AGMO: variants seen among roughly 807,000 people sequenced by gnomAD.
AGMO encodes the protein alkylglycerol monooxygenase.
Under a neutral mutation model 60.2 loss-of-function variants are expected in AGMO, and 75 were observed. The observed-to-expected ratio is 1.25, with a 90% CI of 1.03 to 1.51. The LOEUF (loss-of-function observed/expected upper bound fraction) is 1.51. Among genes scored for constraint, AGMO ranks in the 40% most tolerant of loss-of-function variants. The pLI, the probability that AGMO is intolerant of heterozygous loss-of-function variation, is 0.00. For missense variants in AGMO, 763 were observed against 525.5 expected, an observed-to-expected ratio of 1.45 and a Z score of -4.42; for synonymous variants, 261 against 177.1, an observed-to-expected ratio of 1.47 and a Z score of -3.76.
downstream of AGMO, among the ~76,000 whole-genome samples, chr7:15,196,048 C>A (rs116391871): frequency 0.011 from 1,654 of 151,652 alleles, 40 homozygotes; most frequent in African/African-American, 0.039. Context: ...CTCCCCTCCC[C>A]TCTCCTCTCC....
intron 12 of AGMO, among the ~76,000 whole-genome samples, chr7:15,353,426 A>T (rs1034155667): frequency 6.6e-6 from 1 of 152,190 alleles, no homozygotes; most frequent in African/African-American, 2.4e-5. Flanking sequence ...TAGGCTTATG[A>T]TGTTAAACTA....
intron 12 of AGMO, among the ~76,000 whole-genome samples, chr7:15,237,314 G>C (rs768443705): frequency 6.6e-6 from 1 of 152,108 alleles, no homozygotes; most frequent in South Asian, 2.1e-4. Context: ...ATTTTCACTA[G>C]AACAGATGAA....
At chr7:15,430,619 CTGGTTTTTTTTAAAAAAAAAAAAAA>C (rs1211766280) in intron 4 of AGMO, among the ~76,000 whole-genome samples, 29 of 115,532 alleles carry the variant, frequency 2.5e-4, no homozygotes, top group South Asian at 2.9e-4. Context: ...AAAAAAACAA[CTGGTTTTTTTTAAAAAAAAAAAAAA>C]AACTGGTAAA....
chr7:15,280,826 T>C (rs1783942658), intron 12 of AGMO, among the ~76,000 whole-genome samples: 1 of 152,222 alleles, frequency 6.6e-6, no homozygotes, highest in South Asian at 2.1e-4. Flanking sequence ...TCATTACTAC[T>C]ACAATCAGTA....
intron 3 of AGMO, among the ~76,000 whole-genome samples, chr7:15,506,972 G>T (rs1251617011): frequency 6.6e-6 from 1 of 151,952 alleles, no homozygotes; most frequent in Admixed American, 6.6e-5. Flanking sequence ...ATGTACCAAA[G>T]ATCTGGCTGG....
At chr7:15,561,405 G>A (rs969241117) in intron 1 of AGMO, among the ~76,000 whole-genome samples, 10 of 152,172 alleles carry the variant, frequency 6.6e-5, no homozygotes, top group Admixed American at 1.3e-4. Context: ...CTGATGTGGT[G>A]TAACTATTTG....
intron 3 of AGMO, among the ~76,000 whole-genome samples, chr7:15,513,699 C>T (rs973247999): frequency 1.4e-4 from 22 of 152,150 alleles, no homozygotes; most frequent in African/African-American, 5.3e-4. Context: ...AGATCTCTCA[C>T]TATTTTGGCA....
chr7:15,353,227 C>T (rs1376836989), intron 12 of AGMO, among the ~76,000 whole-genome samples: 1 of 152,014 alleles, frequency 6.6e-6, no homozygotes, highest in Non-Finnish European at 1.5e-5. Context: ...AGATTACATC[C>T]ACGAATAAGT....
At position 15,424,066 on chromosome 7, in the gene AGMO, A is replaced by G. The variant is rs145105550; in HGVS notation, c.514-5413T>C. Among the ~76,000 whole-genome samples, 3 of 152,070 alleles carry G rather than the reference A, an allele frequency of 2.0e-5. No homozygotes were observed. The East Asian group carries it at 5.8e-4, about 29-fold the overall frequency. Reference sequence around the variant, plus strand: ...CCTTCTACATAATATTCTATCTACAACCTCCTCCATTGCAAAATTTTATTC... The same window carrying G: ...CCTTCTACATAATATTCTATCTACAGCCTCCTCCATTGCAAAATTTTATTC... On this transcript the variant is annotated intron_variant, in intron 4 of 12. Transcript: ENST00000342526.
In AGMO at chr7:15,306,628, A is replaced by G. The variant is rs75438851; in HGVS notation, c.1263+58886T>C. The G allele has an allele frequency of 3.1e-3, 1,278 of 418,066 alleles. 9 individuals carry two copies. Among genetic ancestry groups the G allele is most frequent in the African/African-American group, 0.025 (1,159 of 47,096 alleles). The allele number at this position is 418,066 out of a possible 1,614,324, so 25.9% of individuals were successfully genotyped here. On this transcript the variant is annotated intron_variant, in intron 12 of 12. Transcript: ENST00000342526. ...TTTGTGTTACCTTGCTAAAAAGTTA[A>G]TATGGTTTATGGCACTATTAAGGAT...
intron 12 of AGMO, among the ~76,000 whole-genome samples, chr7:15,347,799 A>G (rs1484663247): frequency 6.6e-6 from 1 of 152,038 alleles, no homozygotes; most frequent in Non-Finnish European, 1.5e-5. Context: ...ATGACTCCTG[A>G]GAGTTTCAGT....
At chr7:15,534,590 T>C (rs1784442853) in intron 3 of AGMO, among the ~76,000 whole-genome samples, 1 of 151,986 alleles carries the variant, frequency 6.6e-6, no homozygotes, top group South Asian at 2.1e-4. Flanking sequence ...TTCATTTTCC[T>C]GTAGAGGCAT....
chr7:15,414,921 T>C (rs1395014144), intron 5 of AGMO, among the ~76,000 whole-genome samples: 3 of 152,088 alleles, frequency 2.0e-5, no homozygotes, highest in Non-Finnish European at 4.4e-5. Flanking sequence ...TAAATGGGGC[T>C]ATAGTGGTTA....
At chr7:15,241,886 T>TG (rs1285467193) in intron 12 of AGMO, among the ~76,000 whole-genome samples, 2 of 152,182 alleles carry the variant, frequency 1.3e-5, no homozygotes, top group Non-Finnish European at 2.9e-5. Context: ...ATTCAGTTTT[T>TG]GGAAGAATTC....
rs150912429 is a variant in AGMO at position 15,390,942 on chromosome 7, AAT to A, written c.677-39_677-38del. On this transcript the variant is annotated intron_variant, in intron 6 of 12. Coordinates refer to ENST00000342526, the MANE Select transcript of AGMO (RefSeq NM_001004320.2). ...AATATTAGAAATTTTTTTTCAGAAA[AAT>A]AGTTATGCTTTTTGAGATACTTCCA... The A allele has an allele frequency of 1.2e-3, 1,545 of 1,329,444 alleles. 13 individuals are homozygous for A. The African/African-American group carries it at 0.019, about 16-fold the overall frequency. The allele number at this position is 1,329,444 out of a possible 1,614,324, so 82.4% of individuals were successfully genotyped here. A position where few individuals can be genotyped will look rare whatever the true frequency, so the allele number is the denominator to read the frequency against.
At chr7:15,480,802 A>T (rs1033789819) in intron 3 of AGMO, among the ~76,000 whole-genome samples, 10 of 152,244 alleles carry the variant, frequency 6.6e-5, no homozygotes, top group African/African-American at 2.4e-4. Flanking sequence ...AGTGACAATG[A>T]TTGGTTGAAG....
At chr7:15,353,496 G>C (rs1256975373) in intron 12 of AGMO, among the ~76,000 whole-genome samples, 1 of 151,954 alleles carries the variant, frequency 6.6e-6, no homozygotes, top group Non-Finnish European at 1.5e-5. Context: ...CCTGTTTTCA[G>C]ACCAAAGTAA....
rs368190172 is a variant in AGMO at position 15,238,397 on chromosome 7, AG to A, written c.1264-37039del. The stretch of plus-strand genomic sequence containing the variant: ...AATAATTTATTGAATATTTTGAAAT[AG>A]CTAGAAGAAAAAATTGTGTTTAATA... On this transcript the variant is annotated intron_variant, in intron 12 of 12. Transcript: ENST00000342526. Among the ~76,000 whole-genome samples the A allele has an allele frequency of 9.2e-5, 14 of 152,054 alleles. No individual in the cohort carries two copies. The East Asian group carries it at 2.5e-3, about 27-fold the overall frequency.
chr7:15,465,370 T>C (rs1419726527), intron 3 of AGMO, among the ~76,000 whole-genome samples: 1 of 149,844 alleles, frequency 6.7e-6, no homozygotes, highest in African/African-American at 2.4e-5. Flanking sequence ...CACACACATA[T>C]ATATGAATAA....
Sources: gnomAD v4.1 joint callset for allele counts (sites outside exome capture counted in the v4.1 genomes callset) on GRCh38, gnomAD v4.1.1 for gene constraint, MANE v1.5 for transcripts, NCBI Gene and HGNC (gene_info 2026-07-23, HGNC 2026-07-21) for gene names.